The following XPOT variants were observed in gnomAD, a reference collection of about 807,000 sequenced individuals.
XPOT encodes exportin for tRNA, also known as exportin-T.
Under a neutral mutation model 128.2 loss-of-function variants are expected in XPOT, and 34 were observed. The observed-to-expected ratio is 0.27, with a 90% CI of 0.20 to 0.35. XPOT has a LOEUF of 0.35. XPOT is among the 10% of genes least tolerant of loss of function. The pLI is 1.00. For synonymous variants in XPOT, 348 were observed against 394.3 expected (o/e 0.88, Z 1.39); for missense variants, 838 against 1,125.3 (o/e 0.74, Z 3.65).
chr12:64,439,716 G>A (rs1432699497), intron 23 of XPOT, among the ~76,000 whole-genome samples: 1 of 152,130 alleles, frequency 6.6e-6, no homozygotes, highest in Non-Finnish European at 1.5e-5. Flanking sequence ...TTCATTGTGT[G>A]TACACCAAGC....
At position 64,448,423 on chromosome 12, in the gene XPOT, C is replaced by CCT. The variant is rs1166483063; in HGVS notation, c.*293_*294dup. ...TTTTATTTGAAATTTTAAGTCAAGT[C>CCT]CTTTATAAAGACCATAGCAGTGGAA... On this transcript the variant is annotated 3_prime_UTR_variant, in exon 25 of 25. Coordinates refer to ENST00000332707, the MANE Select transcript of XPOT (RefSeq NM_007235.6). 1 of 335,838 alleles carries CCT rather than the reference C, an allele frequency of 3.0e-6. No individual in the cohort carries two copies. The highest frequency in any genetic ancestry group is 4.4e-5 in the Admixed American group (1 of 22,716). The allele number at this position is 335,838 out of a possible 1,614,324, so 20.8% of individuals were successfully genotyped here.
intron 24 of XPOT, 134 bp from the exon 25 acceptor site, chr12:64,447,971 G>A (rs572286787): frequency 2.8e-4 from 218 of 775,680 alleles, no homozygotes; most frequent in Non-Finnish European, 4.4e-4. Flanking sequence ...GATTACATAC[G>A]GATATATAAG....
In XPOT at chr12:64,418,813, A is replaced by G. The variant is rs796773686; in HGVS notation, c.271-63A>G. 30 of 1,493,926 alleles carry G rather than the reference A, an allele frequency of 2.0e-5. No individual in the cohort carries two copies. The South Asian group carries it at 2.3e-4, about 11-fold the overall frequency. The allele number at this position is 1,493,926 out of a possible 1,614,324, so 92.5% of individuals were successfully genotyped here. ...TGAAACTTTGCCTTTTAATAAGACAACTGGTGTTTCTGGGTCTTTTCAATT... is the reference window on the plus strand; with the variant it reads ...TGAAACTTTGCCTTTTAATAAGACAGCTGGTGTTTCTGGGTCTTTTCAATT... On this transcript the variant is annotated intron_variant, in intron 5 of 24. Transcript: ENST00000332707.
In XPOT at chr12:64,412,392, A is replaced by G. The variant is rs1446152339; in HGVS notation, c.60+2297A>G. 2.6e-5 allele frequency among the ~76,000 whole-genome samples: 4 copies of G among 152,138 alleles called. No homozygotes were observed. In the East Asian group the frequency reaches 5.8e-4, roughly 22 times the overall value. On this transcript the variant is annotated intron_variant, in intron 2 of 24. Transcript: ENST00000332707. ...CCTGTTATTATTTAAAGAAAATGGTATGTCATGACATTTCTAGCAGCTGAA... is the reference window on the plus strand; with the variant it reads ...CCTGTTATTATTTAAAGAAAATGGTGTGTCATGACATTTCTAGCAGCTGAA...
intron 16 of XPOT, among the ~76,000 whole-genome samples, chr12:64,428,979 TC>T (rs2040215144): frequency 6.6e-6 from 1 of 152,176 alleles, no homozygotes; most frequent in African/African-American, 2.4e-5. Flanking sequence ...ACTGCGCTCA[TC>T]TGAAATAACC....
intron 22 of XPOT, among the ~76,000 whole-genome samples, chr12:64,437,905 A>G (rs1013076648): frequency 1.3e-5 from 2 of 152,166 alleles, no homozygotes; most frequent in African/African-American, 4.8e-5. Flanking sequence ...GCTTGAACCC[A>G]GGAAGTGAGG....
chr12:64,438,173 T>C (rs2040298123), intron 22 of XPOT, among the ~76,000 whole-genome samples: 1 of 152,198 alleles, frequency 6.6e-6, no homozygotes, highest in Non-Finnish European at 1.5e-5. Context: ...GTTTTATCCA[T>C]AGAAGTCGTA....
intron 14 of XPOT, 48 bp from the exon 15 acceptor site, chr12:64,425,766 CA>C: frequency 6.4e-7 from 1 of 1,574,172 alleles, no homozygotes; most frequent in Non-Finnish European, 8.7e-7. Flanking sequence ...ACAATATCAA[CA>C]AAACCCTTGA....
chr12:64,419,302 T>C (rs1334442791), intron 6 of XPOT, among the ~76,000 whole-genome samples: 1 of 152,068 alleles, frequency 6.6e-6, no homozygotes, highest in Non-Finnish European at 1.5e-5. Context: ...GAAATTAAAG[T>C]ATTACATTAC....
In XPOT at chr12:64,423,225, A is replaced by C. The variant is rs1395914065; in HGVS notation, c.1163A>C (p.Glu388Ala). 6.3e-7 allele frequency: 1 copy of C among 1,583,578 alleles called. No individual in the cohort carries two copies. The highest frequency in any genetic ancestry group is 2.3e-5 in the East Asian group (1 of 44,332). Reference protein sequence around the residue: ...AVMKKLTYDEEYNFENEGEDE... With the variant: ...AVMKKLTYDEAYNFENEGEDE... ...ATGAAAAAATTGACTTACGATGAAGAATATAACTTTGAAAATGAGGTAAGA... is the reference window on the plus strand; with the variant it reads ...ATGAAAAAATTGACTTACGATGAAGCATATAACTTTGAAAATGAGGTAAGA... The change falls in exon 11 of 25, where the codon GAA (glutamate) becomes GCA (alanine). Residue 388 changes from glutamate (E) to alanine (A), a missense_variant. Coordinates refer to ENST00000332707, the MANE Select transcript of XPOT (RefSeq NM_007235.6).
In XPOT at chr12:64,449,084, A is replaced by C. The variant is rs1137583; in HGVS notation, c.*953A>C. ...ATGGTGCACGCTCGTAATCCCGGCTACTCAGGAGGCTGAGGCAGGAGAATC... is the reference window on the plus strand; with the variant it reads ...ATGGTGCACGCTCGTAATCCCGGCTCCTCAGGAGGCTGAGGCAGGAGAATC... On this transcript the variant is annotated 3_prime_UTR_variant, in exon 25 of 25. Transcript: ENST00000332707. 6.6e-6 allele frequency: 1 copy of C among 152,114 alleles called. No homozygotes were observed. The highest frequency in any genetic ancestry group is 2.4e-5 in the African/African-American group (1 of 41,332). The allele number at this position is 152,114 out of a possible 1,614,324, so 9.4% of individuals were successfully genotyped here. A position where few individuals can be genotyped will look rare whatever the true frequency, so the allele number is the denominator to read the frequency against.
intron 1 of XPOT, among the ~76,000 whole-genome samples, chr12:64,406,221 G>A (rs576007432): frequency 1.4e-5 from 2 of 147,378 alleles, no homozygotes; most frequent in Admixed American, 6.8e-5. Context: ...GATTACAGGC[G>A]CAGGCCACCA....
chr12:64,409,239 A>G (rs1045902614), intron 1 of XPOT, among the ~76,000 whole-genome samples: 21 of 152,220 alleles, frequency 1.4e-4, no homozygotes, highest in Non-Finnish European at 2.4e-4. Flanking sequence ...TAGACAAATT[A>G]TTATAATTAC....
At chr12:64,448,004 A>T in intron 24 of XPOT, 101 bp from the exon 25 acceptor site, 1 of 1,066,526 alleles carries the variant, frequency 9.4e-7, no homozygotes, top group Non-Finnish European at 1.5e-6. Flanking sequence ...TTCTAATGTT[A>T]CAGAAGAACA....
chr12:64,405,567 A>G (rs573421402), intron 1 of XPOT, among the ~76,000 whole-genome samples: 3 of 152,368 alleles, frequency 2.0e-5, no homozygotes, highest in South Asian at 4.1e-4. Context: ...CCTTCCCCCA[A>G]GAACCTTTGC....
At chr12:64,405,960 T>A (rs559060659) in intron 1 of XPOT, among the ~76,000 whole-genome samples, 3 of 151,906 alleles carry the variant, frequency 2.0e-5, no homozygotes, top group South Asian at 2.1e-4. Context: ...TGTGGGGGAT[T>A]CTTTCTGTAG....
At chr12:64,441,177 G>A (rs574933712) in intron 23 of XPOT, among the ~76,000 whole-genome samples, 1 of 152,302 alleles carries the variant, frequency 6.6e-6, no homozygotes, top group East Asian at 1.9e-4. Context: ...TTATTGGAGA[G>A]ATTATTGTTC....
At chr12:64,445,188 A>G in intron 24 of XPOT, 57 bp downstream of exon 24, 1 of 1,325,136 alleles carries the variant, frequency 7.5e-7, no homozygotes, top group Non-Finnish European at 1.1e-6. Flanking sequence ...TTGAGAGCCA[A>G]GAGAGAATAC....
At chr12:64,444,991 A>G (rs560499937) in intron 23 of XPOT, 84 bp from the exon 24 acceptor site, 28 of 842,154 alleles carry the variant, frequency 3.3e-5, no homozygotes, top group Non-Finnish European at 4.2e-5. Context: ...AAAAAAAATT[A>G]AAAAAAAAAA....
Sources: allele counts gnomAD v4.1 joint callset (sites outside exome capture counted in the v4.1 genomes callset), GRCh38; gene constraint gnomAD v4.1.1; transcripts MANE v1.5; gene names NCBI Gene and HGNC (gene_info 2026-07-23, HGNC 2026-07-21).